PKN2: variants seen among roughly 807,000 people sequenced by gnomAD.
PKN2 encodes the protein serine/threonine-protein kinase N2.
PKN2 carries 38 observed loss-of-function variants against 119.1 expected under a neutral mutation model. The ratio of observed to expected loss-of-function variants is 0.32; its 90% CI spans 0.25 to 0.42. PKN2 has a LOEUF of 0.42. Among genes scored for constraint, PKN2 ranks in the 10% least tolerant of loss-of-function variants. The probability of loss-of-function intolerance (pLI) is 1.00; values close to 1 mark genes in which losing one functional copy is unlikely to be tolerated. For synonymous variants in PKN2, 390 were observed against 384.9 expected (o/e 1.01, Z -0.15); for missense variants, 850 against 1,165.1 (o/e 0.73, Z 3.94).
intron 2 of PKN2, among the ~76,000 whole-genome samples, chr1:88,755,916 CTTT>C (rs545204853): frequency 2.1e-5 from 3 of 143,054 alleles, no homozygotes; most frequent in African/African-American, 7.6e-5. Flanking sequence ...ATTGGTATAT[CTTT>C]TTTTTTTTTT....
At chr1:88,732,071 G>T (rs999328102) in intron 1 of PKN2, among the ~76,000 whole-genome samples, 1 of 152,156 alleles carries the variant, frequency 6.6e-6, no homozygotes, top group Non-Finnish European at 1.5e-5. Context: ...AATGTACTGT[G>T]TAGTCTGTAG....
At chr1:88,823,842 C>G (rs555138173) in intron 17 of PKN2, among the ~76,000 whole-genome samples, 2 of 151,232 alleles carry the variant, frequency 1.3e-5, no homozygotes, top group South Asian at 4.2e-4. Context: ...AACCGCCTCT[C>G]TAATAAAAAT....
chr1:88,743,629 C>T (rs1367909061), intron 2 of PKN2, among the ~76,000 whole-genome samples: 1 of 152,152 alleles, frequency 6.6e-6, no homozygotes, highest in Non-Finnish European at 1.5e-5. Flanking sequence ...ACTGTCTCCT[C>T]CTTGAAGGGA....
chr1:88,784,152 T>TTTTTG (rs1670471246), intron 6 of PKN2, among the ~76,000 whole-genome samples: 1 of 135,956 alleles, frequency 7.4e-6, no homozygotes, highest in African/African-American at 2.5e-5. Flanking sequence ...TTTTTTTTTT[T>TTTTTG]TTGGAGAGAG....
chr1:88,748,328 T>C (rs1316981044), intron 2 of PKN2, among the ~76,000 whole-genome samples: 1 of 152,170 alleles, frequency 6.6e-6, no homozygotes, highest in Non-Finnish European at 1.5e-5. Flanking sequence ...AAGAATGCCA[T>C]GTACATAGAA....
chr1:88,718,153 C>A (rs1420865371), intron 1 of PKN2, among the ~76,000 whole-genome samples: 1 of 152,202 alleles, frequency 6.6e-6, no homozygotes, highest in East Asian at 1.9e-4. Context: ...TATTGCAGAA[C>A]AGCAAATGTT....
chr1:88,758,887 C>T (rs1451287422), intron 2 of PKN2, among the ~76,000 whole-genome samples: 1 of 152,086 alleles, frequency 6.6e-6, no homozygotes, highest in African/African-American at 2.4e-5. Flanking sequence ...ATTTATATTG[C>T]TTTGGGTATA....
At chr1:88,760,860 T>C (rs976360066) in intron 3 of PKN2, among the ~76,000 whole-genome samples, 1 of 152,148 alleles carries the variant, frequency 6.6e-6, no homozygotes, top group Non-Finnish European at 1.5e-5. Flanking sequence ...AATTTTACCT[T>C]ATGGGTAAAG....
chr1:88,800,320 C>T (rs754994815), intron 8 of PKN2, among the ~76,000 whole-genome samples: 16 of 152,062 alleles, frequency 1.1e-4, no homozygotes, highest in African/African-American at 1.4e-4. Flanking sequence ...TGAGAGAAAA[C>T]GTAATATTTT....
At chr1:88,763,607 C>CA (rs34763457) in intron 3 of PKN2, among the ~76,000 whole-genome samples, 56,649 of 103,106 alleles carry the variant, frequency 0.55, 14,482 homozygotes, top group Middle Eastern at 0.72. Flanking sequence ...AACTCCATCT[C>CA]AAAAAAAAAA....
intron 2 of PKN2, among the ~76,000 whole-genome samples, chr1:88,759,877 C>T (rs1387408418): frequency 1.3e-5 from 2 of 152,006 alleles, no homozygotes; most frequent in Non-Finnish European, 2.9e-5. Context: ...GCCTACCAAC[C>T]AAAAAAGCCC....
At chr1:88,810,226 T>C (rs2100887585) in intron 15 of PKN2, among the ~76,000 whole-genome samples, 1 of 152,124 alleles carries the variant, frequency 6.6e-6, no homozygotes, top group Non-Finnish European at 1.5e-5. Context: ...GTTCAAGTGA[T>C]TCTTTTGCCT....
chr1:88,819,733 C>T (rs1672167820), intron 16 of PKN2, among the ~76,000 whole-genome samples: 1 of 151,988 alleles, frequency 6.6e-6, no homozygotes, highest in South Asian at 2.1e-4. Context: ...GCACTGTTCA[C>T]AATAGCAAAG....
At chr1:88,798,908 G>A (rs1671201462) in intron 8 of PKN2, among the ~76,000 whole-genome samples, 2 of 152,274 alleles carry the variant, frequency 1.3e-5, no homozygotes, top group African/African-American at 4.8e-5. Context: ...TGCCTTTGTA[G>A]AAGAGATGGA....
rs533990218 is a variant in PKN2, at chr1:88,751,189, C to CGT, written c.350-9022_350-9021dup. On this transcript the variant is annotated intron_variant, in intron 2 of 21. Coordinates refer to ENST00000370521, the MANE Select transcript of PKN2 (RefSeq NM_006256.4). The stretch of plus-strand genomic sequence containing the variant: ...CTTTTTACCTCTCTATACTTAGGCA[C>CGT]GTGTGTGTGTGTAGATTAGCAGAAT... Among the ~76,000 whole-genome samples, 461 of 151,952 alleles carry CGT rather than the reference C, an allele frequency of 3.0e-3. 2 individuals are homozygous for CGT. Among genetic ancestry groups the CGT allele is most frequent in the Middle Eastern group, 3.4e-3 (1 of 294 alleles).
chr1:88,786,455 A>C (rs1343690313), intron 8 of PKN2, among the ~76,000 whole-genome samples: 1 of 152,200 alleles, frequency 6.6e-6, no homozygotes, highest in Non-Finnish European at 1.5e-5. Context: ...TTCATAGCAA[A>C]CTTAAAGATC....
chr1:88,785,991 A>G (rs1189153919), intron 7 of PKN2, 113 bp from the exon 8 acceptor site: 4 of 609,258 alleles, frequency 6.6e-6, no homozygotes, highest in Non-Finnish European at 1.2e-5. Context: ...ATTGATTATG[A>G]AAAACTTTAT....
chr1:88,798,984 T>G lies in PKN2; in HGVS notation c.1282-5407T>G, dbSNP rs150039636. On this transcript the variant is annotated intron_variant, in intron 8 of 21. Transcript: ENST00000370521. Reference sequence around the variant, plus strand: ...GGGGGAAAGAATAGTAGGAAAATCTTATGTAACAATATAGGTTTGAGTTGG... The same window carrying G: ...GGGGGAAAGAATAGTAGGAAAATCTGATGTAACAATATAGGTTTGAGTTGG... Among the ~76,000 whole-genome samples, 1,184 of 150,862 alleles carry G rather than the reference T, an allele frequency of 7.8e-3. 18 individuals are homozygous for G. The highest frequency in any genetic ancestry group is 0.028 in the African/African-American group (1,130 of 40,368).
Position 88,805,993 on chromosome 1 carries a change from A to G in PKN2, c.1779A>G (p.Leu593=). Residue 593 remains leucine, a synonymous_variant, in exon 12 of 22, where the codon TTA becomes TTG. Coordinates refer to ENST00000370521, the MANE Select transcript of PKN2 (RefSeq NM_006256.4). The part of the protein sequence containing the change: ...SLGEIDESSE[L]RVLDIPGQDS... ...GAGAAATAGATGAATCTTCTGAATT[A>G]AGAGTTTTGGATATACCAGGACAGG... 2 of 1,613,572 alleles carry G rather than the reference A, an allele frequency of 1.2e-6. No individual in the cohort carries two copies.
Sources: gnomAD v4.1 joint callset for allele counts (sites outside exome capture counted in the v4.1 genomes callset) on GRCh38, gnomAD v4.1.1 for gene constraint, MANE v1.5 for transcripts, NCBI Gene and HGNC (gene_info 2026-07-23, HGNC 2026-07-21) for gene names.